The following AKAP1 variants were observed in gnomAD, a reference collection of about 807,000 sequenced individuals.
The protein encoded by AKAP1 is A-kinase anchor protein 1, mitochondrial.
Under a neutral mutation model 79.8 loss-of-function variants are expected in AKAP1, and 32 were observed. The observed-to-expected ratio is 0.40, with a 90% CI of 0.30 to 0.54. The LOEUF is 0.54. Among genes scored for constraint, AKAP1 ranks in the 20% least tolerant of loss-of-function variants. The pLI is 0.47. For synonymous variants in AKAP1, 416 were observed against 466.7 expected (o/e 0.89, Z 1.40); for missense variants, 961 against 1,138.9 (o/e 0.84, Z 2.25).
At position 57,117,897 on chromosome 17, in the gene AKAP1, C is replaced by T. The variant is rs115675759; in HGVS notation, c.2501-484C>T. Among the ~76,000 whole-genome samples, 943 of 152,250 alleles carry T rather than the reference C, an allele frequency of 6.2e-3. 5 individuals are homozygous for T. The highest frequency in any genetic ancestry group is 0.022 in the African/African-American group (904 of 41,526). ...GCCTTGCCCACTCTGAGTGGCTGGC[C>T]TTATTGGGCTGTGTGGCCAACTGCC... On this transcript the variant is annotated intron_variant, in intron 8 of 10. Transcript: ENST00000337714.
rs928807222 is a variant in AKAP1 at position 57,116,269 on chromosome 17, G to A, written c.2432+8G>A. 37 of 1,613,952 alleles carry A rather than the reference G, an allele frequency of 2.3e-5. No individual in the cohort carries two copies. Among genetic ancestry groups the A allele is most frequent in the Middle Eastern group, 1.6e-4 (1 of 6,082 alleles). On this transcript the variant is annotated splice_region_variant and intron_variant, in intron 7 of 10. Transcript: ENST00000337714. Reference sequence around the variant, plus strand: ...CGTGCTCCGGCAAATCAGGTGAGCGGAGATGCCTCAGGCAGGCCTACGCCC... The same window carrying A: ...CGTGCTCCGGCAAATCAGGTGAGCGAAGATGCCTCAGGCAGGCCTACGCCC...
chr17:57,112,651 G>A (rs1376227371), intron 5 of AKAP1, 33 bp downstream of exon 5: 1 of 1,573,284 alleles, frequency 6.4e-7, no homozygotes. Flanking sequence ...CGGACTTCTT[G>A]CCACTTTCCC....
intron 7 of AKAP1, 84 bp from the exon 8 acceptor site, chr17:57,116,776 G>A (rs771842983): frequency 1.7e-4 from 223 of 1,301,092 alleles, no homozygotes; most frequent in African/African-American, 2.0e-4. Flanking sequence ...GGTTATGGGC[G>A]TCACTGTACA....
intron 2 of AKAP1, among the ~76,000 whole-genome samples, chr17:57,108,609 G>A (rs961154900): frequency 6.6e-6 from 1 of 152,192 alleles, no homozygotes; most frequent in Non-Finnish European, 1.5e-5. Flanking sequence ...GGGATGGCAC[G>A]TGGAAATGAG....
At position 57,085,389 on chromosome 17, in the gene AKAP1, C is replaced by G. The variant is rs900017999; in HGVS notation, c.-34C>G. On this transcript the variant is annotated 5_prime_UTR_variant, in exon 1 of 11. Transcript: ENST00000337714. ...CCGCATCCCGCACCCCGATGGTAGC[C>G]GAGGAGCTGGTAGGTCGGGGGCAGC... The G allele has an allele frequency of 6.6e-6, 1 of 151,966 alleles. No homozygotes were observed. Among genetic ancestry groups the G allele is most frequent in the Non-Finnish European group, 1.5e-5 (1 of 67,974 alleles). 9.4% of individuals were successfully genotyped at this position (151,966 alleles called of 1,614,324 possible). A position where few individuals can be genotyped will look rare whatever the true frequency, so the allele number is the denominator to read the frequency against.
chr17:57,097,511 C>T (rs1362719932), intron 1 of AKAP1, among the ~76,000 whole-genome samples: 1 of 152,256 alleles, frequency 6.6e-6, no homozygotes, highest in Non-Finnish European at 1.5e-5. Flanking sequence ...TGATTTTCCT[C>T]GACCAAACTC....
At position 57,100,791 on chromosome 17, in the gene AKAP1, G is replaced by A. The variant is rs187940097; in HGVS notation, c.-24-4650G>A. 3.3e-3 allele frequency among the ~76,000 whole-genome samples: 500 copies of A among 152,196 alleles called. 2 individuals are homozygous for A. The highest frequency in any genetic ancestry group is 5.3e-3 in the Admixed American group (81 of 15,290). On this transcript the variant is annotated intron_variant, in intron 1 of 10. Coordinates refer to ENST00000337714, the MANE Select transcript of AKAP1 (RefSeq NM_003488.4). ...AGCCTTTCCTCATAGCCACTTTCCC[G>A]TCTCAAACTGTCCTTACTCTTTTTT... is the stretch of plus-strand genomic sequence containing the variant.
chr17:57,098,993 C>A lies in AKAP1; in HGVS notation c.-24-6448C>A, dbSNP rs540088384. 2.0e-5 allele frequency among the ~76,000 whole-genome samples: 3 copies of A among 151,312 alleles called. No individual in the cohort carries two copies. In the East Asian group the frequency reaches 5.8e-4, roughly 29 times the overall value. On this transcript the variant is annotated intron_variant, in intron 1 of 10. Transcript: ENST00000337714. ...CTGTATTAGCCAGGATGGTCTTGAT[C>A]TGATCTCGTGATCTGCCCGCCTCGG...
rs1383970420 is a variant in AKAP1, at chr17:57,106,929, A to G, written c.1465A>G (p.Thr489Ala). The G allele has an allele frequency of 6.2e-7, 1 of 1,613,994 alleles. No individual in the cohort carries two copies. The highest frequency in any genetic ancestry group is 2.2e-5 in the East Asian group (1 of 44,878). ...GILVEDATCV[T>A]CMSDSSQSVP... ...CCTGGTGGAAGATGCCACCTGTGTC[A>G]CCTGCATGTCAGACAGCAGCCAAAG... Residue 489 changes from threonine (T) to alanine (A), a missense_variant, in exon 2 of 11, where the codon ACC becomes GCC. Around this residue, in one of 3 missense-constraint regions of AKAP1, gnomAD observed 629 missense variants for 781.1 expected, o/e 0.81. Coordinates refer to ENST00000337714, the MANE Select transcript of AKAP1 (RefSeq NM_003488.4).
In AKAP1 at chr17:57,120,240, T is replaced by C. The variant is rs373465773; in HGVS notation, c.2638-10T>C. ...ATGGACAAAAGCTTTAAGGGAACTT[T>C]CTTTTCTAGGTGGTGTTGATAAACC... On this transcript the variant is annotated splice_polypyrimidine_tract_variant and intron_variant, in intron 10 of 10. Transcript: ENST00000337714. 1.3e-5 allele frequency: 21 copies of C among 1,610,848 alleles called. No individual in the cohort carries two copies. The African/African-American group carries it at 2.8e-4, about 22-fold the overall frequency.
At chr17:57,094,992 T>G (rs987574768) in intron 1 of AKAP1, 1 of 152,150 alleles carries the variant, frequency 6.6e-6, no homozygotes, top group African/African-American at 2.4e-5. Flanking sequence ...GCATTCAGGC[T>G]TATATTCTCT....
chr17:57,115,670 T>C (rs962613362), intron 6 of AKAP1, among the ~76,000 whole-genome samples: 2 of 152,208 alleles, frequency 1.3e-5, no homozygotes, highest in Admixed American at 6.5e-5. Flanking sequence ...CCAGCTGAGT[T>C]GTGGGCTGGA....
At chr17:57,100,249 G>A (rs1335035862) in intron 1 of AKAP1, among the ~76,000 whole-genome samples, 1 of 152,084 alleles carries the variant, frequency 6.6e-6, no homozygotes, top group Admixed American at 6.5e-5. Flanking sequence ...CTATAAATCT[G>A]GGTGAAATGG....
In AKAP1 at chr17:57,107,027, A is replaced by G. The variant is rs1245336006; in HGVS notation, c.1563A>G (p.Thr521=). ...FSTSGLEDSC[T]ETSSSPRDKA... is the part of the protein sequence containing the mutation. ...CTTCAGGGCTTGAAGACTCTTGCAC[A>G]GAGACCAGCTCGAGCCCCAGGGACA... The change falls in exon 2 of 11, where the codon ACA becomes ACG. Residue 521 remains threonine (T), a synonymous_variant. Coordinates refer to ENST00000337714, the MANE Select transcript of AKAP1 (RefSeq NM_003488.4). The G allele has an allele frequency of 8.7e-6, 14 of 1,614,196 alleles. No homozygotes were observed. The highest frequency in any genetic ancestry group is 1.1e-5 in the Non-Finnish European group (13 of 1,180,034).
chr17:57,118,926 A>G, intron 9 of AKAP1, 56 bp from the exon 10 acceptor site: 2 of 1,565,580 alleles, frequency 1.3e-6, no homozygotes, highest in South Asian at 2.2e-5. Flanking sequence ...TCAAGATGAT[A>G]TTTGAGTGGG....
At chr17:57,099,450 G>A (rs1018849420) in intron 1 of AKAP1, among the ~76,000 whole-genome samples, 1 of 152,198 alleles carries the variant, frequency 6.6e-6, no homozygotes, top group African/African-American at 2.4e-5. Context: ...CAGAGTGCGG[G>A]GTGAAGGCTG....
chr17:57,098,301 T>G (rs1354837507), intron 1 of AKAP1: 2 of 152,250 alleles, frequency 1.3e-5, no homozygotes, highest in Admixed American at 6.5e-5. Context: ...CAGAGTGTCC[T>G]CCCCACCAAC....
intron 1 of AKAP1, chr17:57,098,295 G>C (rs1441235691): frequency 6.6e-6 from 1 of 152,268 alleles, no homozygotes. Context: ...AAATGACAGA[G>C]TGTCCTCCCC....
chr17:57,117,250 C>T (rs1735804547), intron 8 of AKAP1, among the ~76,000 whole-genome samples: 1 of 152,172 alleles, frequency 6.6e-6, no homozygotes, highest in South Asian at 2.1e-4. Flanking sequence ...TGAGGGCGTG[C>T]TGGTCACTGA....
Sources: allele counts gnomAD v4.1 joint callset (sites outside exome capture counted in the v4.1 genomes callset), GRCh38; gene constraint gnomAD v4.1.1; regional missense constraint gnomAD v4.1.1; transcripts MANE v1.5; gene names NCBI Gene and HGNC (gene_info 2026-07-23, HGNC 2026-07-21).